ENTHD1: variants seen among roughly 807,000 people sequenced by gnomAD.
ENTHD1 encodes the protein ENTH domain-containing protein 1.
Under a neutral mutation model 39.1 loss-of-function variants are expected in ENTHD1, and 23 were observed. The ratio of observed to expected loss-of-function variants is 0.59; its 90% CI spans 0.42 to 0.83. ENTHD1 has a LOEUF of 0.83. Among genes scored for constraint, ENTHD1 ranks in the 40% least tolerant of loss-of-function variants. ENTHD1 has a pLI of 0.00. For missense variants in ENTHD1, 624 were observed against 705.4 expected, an observed-to-expected ratio of 0.88 and a Z score of 1.31; for synonymous variants, 230 against 258.2, an observed-to-expected ratio of 0.89 and a Z score of 1.05.
chr22:39,887,910 G>T lies in ENTHD1; in HGVS notation c.-155-7C>A. On this transcript the variant is annotated splice_region_variant and splice_polypyrimidine_tract_variant and intron_variant, in intron 1 of 6. Transcript: ENST00000325157. ...TTGATAAAGTATCAATTTCCTGCAA[G>T]GAAAGCACAAAAAAATTTACATTAA... The T allele has an allele frequency of 1.9e-6, 1 of 536,632 alleles. No homozygotes were observed. Among genetic ancestry groups the T allele is most frequent in the Non-Finnish European group, 3.1e-6 (1 of 319,464 alleles). 33.2% of individuals were successfully genotyped at this position (536,632 alleles called of 1,614,324 possible).
Position 39,867,712 on chromosome 22 carries a change from T to C in ENTHD1, c.350-5705A>G, listed in dbSNP as rs922987874. On this transcript the variant is annotated intron_variant, in intron 2 of 6. Transcript: ENST00000325157. This position sits in a 1 kb window ranked among gnomAD's most constrained non-coding sequence, Gnocchi z 4.5. ...AAAATATCTGATCAAGTTTCCAGGA[T>C]AGAAAACCTTCAGTTGGTTGCAGTG... Among the ~76,000 whole-genome samples, 7 of 151,784 alleles carry C rather than the reference T, an allele frequency of 4.6e-5. No homozygotes were observed. Among genetic ancestry groups the C allele is most frequent in the African/African-American group, 1.7e-4 (7 of 41,292 alleles).
At chr22:39,791,814 A>G (rs2065506601) in intron 5 of ENTHD1, among the ~76,000 whole-genome samples, 1 of 152,038 alleles carries the variant, frequency 6.6e-6, no homozygotes, top group Admixed American at 6.6e-5. Context: ...TGTACAGATC[A>G]TTTTGTCGCC....
chr22:39,781,611 C>T (rs1330826349), intron 5 of ENTHD1, among the ~76,000 whole-genome samples: 1 of 151,802 alleles, frequency 6.6e-6, no homozygotes, highest in Admixed American at 6.6e-5. Context: ...ACTAGAGAAG[C>T]AGGAATAAAC....
intron 6 of ENTHD1, among the ~76,000 whole-genome samples, chr22:39,745,028 G>A (rs1271903957): frequency 6.6e-6 from 1 of 152,124 alleles, no homozygotes; most frequent in African/African-American, 2.4e-5. Flanking sequence ...TGTTCCTTCA[G>A]ATGTTAGAAG....
intron 2 of ENTHD1, chr22:39,874,184 C>T (rs1487293346): frequency 6.6e-6 from 1 of 152,206 alleles, no homozygotes; most frequent in Non-Finnish European, 1.5e-5. Context: ...CCCACAGAGT[C>T]CCTCCCACAA....
intron 3 of ENTHD1, among the ~76,000 whole-genome samples, chr22:39,861,417 G>T (rs900751768): frequency 6.6e-6 from 1 of 152,084 alleles, no homozygotes; most frequent in Non-Finnish European, 1.5e-5. Flanking sequence ...ATGGGTGCCT[G>T]TAATCCCAGC....
chr22:39,824,060 G>A (rs188922269), intron 4 of ENTHD1, among the ~76,000 whole-genome samples: 45 of 152,018 alleles, frequency 3.0e-4, no homozygotes, highest in African/African-American at 1.1e-3. Flanking sequence ...GCCAGATACG[G>A]GGTTTACAAA....
At chr22:39,799,052 C>T (rs2065576408) in intron 5 of ENTHD1, among the ~76,000 whole-genome samples, 1 of 152,186 alleles carries the variant, frequency 6.6e-6, no homozygotes, top group African/African-American at 2.4e-5. Context: ...CTGGAGGTCA[C>T]TGGTGCTAGG....
chr22:39,872,342 T>C (rs2066250846), intron 2 of ENTHD1, among the ~76,000 whole-genome samples: 1 of 152,244 alleles, frequency 6.6e-6, no homozygotes, highest in Non-Finnish European at 1.5e-5. Context: ...TATCTTGGCT[T>C]TATTCAATTC....
intron 4 of ENTHD1, among the ~76,000 whole-genome samples, chr22:39,830,624 GA>G (rs1304205182): frequency 6.6e-6 from 1 of 151,824 alleles, no homozygotes; most frequent in Non-Finnish European, 1.5e-5. Context: ...TCTTTCACAG[GA>G]AAAAAAGAGA....
intron 5 of ENTHD1, among the ~76,000 whole-genome samples, chr22:39,818,152 C>T (rs562173206): frequency 4.1e-4 from 62 of 152,286 alleles, no homozygotes; most frequent in Non-Finnish European, 7.1e-4. Context: ...AACACAGCCA[C>T]GATGCTGTCA....
In ENTHD1 at chr22:39,887,687, A is replaced by T. The variant is rs775941698; in HGVS notation, c.62T>A (p.Val21Asp). The change falls in exon 2 of 7, where the codon GTC (valine) becomes GAC (aspartate). Residue 21 changes from valine (V) to aspartate (D), a missense_variant. Physicochemically the swap from Val to Asp is radical, Grantham distance 152. Coordinates refer to ENST00000325157, the MANE Select transcript of ENTHD1 (RefSeq NM_152512.4). ...AGGGTCGTTAGAAGTTGCTTCCCTG[A>T]CTTTTATTTCAGCATCTGAGTAATT... ...VKNYSDAEIK[V>D]REATSNDPWG... 157 of 1,598,928 alleles carry T rather than the reference A, an allele frequency of 9.8e-5. No individual in the cohort carries two copies. The highest frequency in any genetic ancestry group is 1.3e-4 in the Non-Finnish European group (147 of 1,174,272).
chr22:39,832,983 C>T (rs2065881447), intron 4 of ENTHD1, among the ~76,000 whole-genome samples: 1 of 152,100 alleles, frequency 6.6e-6, no homozygotes, highest in Admixed American at 6.5e-5. Flanking sequence ...GTGCAGAAGC[C>T]GAGTGGGCAA....
chr22:39,876,514 T>TAA (rs137946), intron 2 of ENTHD1, among the ~76,000 whole-genome samples: 12 of 105,778 alleles, frequency 1.1e-4, no homozygotes, highest in South Asian at 5.8e-4. Flanking sequence ...ACGGGTCATC[T>TAA]AAAAAAAAAA....
chr22:39,756,412 G>A (rs1402221029), intron 6 of ENTHD1, among the ~76,000 whole-genome samples: 1 of 151,594 alleles, frequency 6.6e-6, no homozygotes, highest in Non-Finnish European at 1.5e-5. Flanking sequence ...TGGGCTCACT[G>A]CAACCTCCGC....
chr22:39,770,032 C>G (rs1035671179), intron 5 of ENTHD1, among the ~76,000 whole-genome samples: 5 of 152,134 alleles, frequency 3.3e-5, no homozygotes, highest in African/African-American at 1.2e-4. Flanking sequence ...ATAGTTGTAT[C>G]TTGTTAGGTA....
chr22:39,770,158 C>T (rs1234628256), intron 5 of ENTHD1, among the ~76,000 whole-genome samples: 3 of 152,212 alleles, frequency 2.0e-5, no homozygotes, highest in Admixed American at 6.5e-5. Context: ...CAGCTTCATA[C>T]TCACACCCTT....
chr22:39,802,830 T>C (rs1161826750), intron 5 of ENTHD1, among the ~76,000 whole-genome samples: 1 of 152,216 alleles, frequency 6.6e-6, no homozygotes, highest in Non-Finnish European at 1.5e-5. Context: ...GGCAGAACAC[T>C]AAGAGCCATC....
chr22:39,767,636 T>G (rs2065287350), intron 5 of ENTHD1, among the ~76,000 whole-genome samples: 1 of 152,184 alleles, frequency 6.6e-6, no homozygotes, highest in South Asian at 2.1e-4. Flanking sequence ...ATTTTACATG[T>G]GAGAAAAACA....
Sources: gnomAD v4.1 joint callset for allele counts (sites outside exome capture counted in the v4.1 genomes callset) on GRCh38, gnomAD v4.1.1 for gene constraint, Gnocchi (gnomAD v3.1) non-coding constraint, MANE v1.5 for transcripts, NCBI Gene and HGNC (gene_info 2026-07-23, HGNC 2026-07-21) for gene names.